Variants in ARAF observed in about 807,000 individuals in gnomAD.
The protein encoded by ARAF is A-Raf proto-oncogene, serine/threonine kinase, also known as serine/threonine-protein kinase A-Raf.
Under a neutral mutation model 48.0 loss-of-function variants are expected in ARAF, and 18 were observed. The ratio of observed to expected loss-of-function variants is 0.37; its 90% CI spans 0.26 to 0.56. The LOEUF is 0.56. ARAF is among the 20% of genes least tolerant of loss of function. The pLI is 0.77. For missense variants in ARAF, 389 were observed against 543.1 expected (o/e 0.72, Z 2.82); for synonymous variants, 207 against 220.1 (o/e 0.94, Z 0.53).
Position 47,571,520 on chromosome X carries a change from G to T in ARAF, c.*63G>T. On this transcript the variant is annotated 3_prime_UTR_variant, in exon 16 of 16. Coordinates refer to ENST00000377045, the MANE Select transcript of ARAF (RefSeq NM_001654.5). ...CCACGCCAAGGAGCCTTGCCCACCA[G>T]CCAATCAATGTTCGTCTCTGCCCTG... is the stretch of plus-strand genomic sequence containing the variant. 2.6e-6 allele frequency: 3 copies of T among 1,146,672 alleles called. No homozygotes were observed. Among genetic ancestry groups the T allele is most frequent in the Non-Finnish European group, 3.5e-6 (3 of 861,669 alleles). 94.5% of individuals were successfully genotyped at this position (1,146,672 alleles called of 1,213,427 possible).
intron 13 of ARAF, 112 bp from the exon 14 acceptor site, chrX:47,569,781 A>G: frequency 1.8e-6 from 2 of 1,116,422 alleles, no homozygotes; most frequent in African/African-American, 1.8e-5. Context: ...CTCATGTCCC[A>G]CCTCGTGTGG....
At position 47,570,220 on chromosome X, in the gene ARAF, TC is replaced by T; in HGVS notation, c.1551+199del. The T allele has an allele frequency of 1.1e-5, 5 of 448,522 alleles. No individual in the cohort carries two copies. The South Asian group carries it at 2.2e-4, about 20-fold the overall frequency. 37.0% of individuals were successfully genotyped at this position (448,522 alleles called of 1,213,427 possible). Reference sequence around the variant, plus strand: ...TCTCTGGGTCTCCCCTACCCCAACTTCCCTCTTCTCACATCCACAGCCCTCT... The same window carrying T: ...TCTCTGGGTCTCCCCTACCCCAACTTCCTCTTCTCACATCCACAGCCCTCT... On this transcript the variant is annotated intron_variant, in intron 14 of 15. Transcript: ENST00000377045.
In ARAF at chrX:47,570,015, C is replaced by T. The variant is rs770499440; in HGVS notation, c.1542C>T (p.Cys514=). 68 of 1,203,293 alleles carry T rather than the reference C, an allele frequency of 5.7e-5. No homozygotes were observed. In the South Asian group the frequency reaches 1.2e-3, roughly 21 times the overall value. ...CACTGCCTTACAGCCACATTGGCTG[C>T]CGTGACCAGGTGAGCCCCACACCTT... ...TGSLPYSHIG[C]RDQIIFMVGR... The change falls in exon 14 of 16, where the codon TGC becomes TGT. Residue 514 remains cysteine, a synonymous_variant. Coordinates refer to ENST00000377045, the MANE Select transcript of ARAF (RefSeq NM_001654.5).
chrX:47,569,908 C>T lies in ARAF; in HGVS notation c.1435C>T (p.Arg479Cys). 8.3e-7 allele frequency: 1 copy of T among 1,207,105 alleles called. No homozygotes were observed. Among genetic ancestry groups the T allele is most frequent in the Non-Finnish European group, 1.1e-6 (1 of 893,592 alleles). The change falls in exon 14 of 16, where the codon CGT becomes TGT. Residue 479 changes from arginine (R) to cysteine (C), a missense_variant. Transcript: ENST00000377045. The stretch of plus-strand genomic sequence containing the variant: ...CCTGTTGTAGGCAGCTGAGGTGATC[C>T]GTATGCAGGACCCGAACCCCTACAG... ...SVLWMAAEVI[R>C]MQDPNPYSFQ...
At position 47,566,295 on chromosome X, in the gene ARAF, C is replaced by G. The variant is rs751559150; in HGVS notation, c.558-344C>G. Among the ~76,000 whole-genome samples the G allele has an allele frequency of 3.6e-5, 4 of 112,278 alleles. No homozygotes were observed. In the East Asian group the frequency reaches 1.1e-3, roughly 31 times the overall value. On this transcript the variant is annotated intron_variant, in intron 6 of 15. Transcript: ENST00000377045. ...ATTGTCATCTCCTCCTCAGAGAAAC[C>G]TTTCCTGACACTTTCTAGGAACACT...
rs1483135103 is a variant in ARAF at position 47,561,242 on chromosome X, G to A, written c.-69G>A. 3 of 112,394 alleles carry A rather than the reference G, an allele frequency of 2.7e-5. No homozygotes were observed. Among genetic ancestry groups the A allele is most frequent in the African/African-American group, 9.7e-5 (3 of 31,021 alleles). The allele number at this position is 112,394 out of a possible 1,213,427, so 9.3% of individuals were successfully genotyped here. A position where few individuals can be genotyped will look rare whatever the true frequency, so the allele number is the denominator to read the frequency against. On this transcript the variant is annotated 5_prime_UTR_variant, in exon 1 of 16. Transcript: ENST00000377045. ...AGATGGAGACGGCGGCGGCTGTAGC[G>A]GCGTGACAGGTGAGGGCGGGCCCGG...
At position 47,569,574 on chromosome X, in the gene ARAF, G is replaced by A. The variant is rs2147908578; in HGVS notation, c.1336G>A (p.Gly446Ser). The change falls in exon 13 of 16, where the codon GGT becomes AGT. Residue 446 changes from glycine to serine, a missense_variant. Gly to Ser is a moderately conservative substitution (Grantham distance 56, BLOSUM62 0). Transcript: ENST00000377045. Reference protein sequence around the residue: ...FLHEGLTVKIGDFGLATVKTR... With the variant: ...FLHEGLTVKISDFGLATVKTR... ...ACATGAGGGGCTCACGGTGAAGATC[G>A]GTGACTTTGGCTTGGCCACAGTGAA... 3.3e-6 allele frequency: 4 copies of A among 1,209,035 alleles called. No homozygotes were observed. Among genetic ancestry groups the A allele is most frequent in the Non-Finnish European group, 4.5e-6 (4 of 894,116 alleles).
At chrX:47,565,788 A>G (rs2057730066) in intron 6 of ARAF, 1 of 138,705 alleles carries the variant, frequency 7.2e-6, no homozygotes, top group African/African-American at 3.2e-5. Context: ...TTGCTTTTTT[A>G]TGTTAAATAT....
intron 1 of ARAF, among the ~76,000 whole-genome samples, chrX:47,562,516 A>C (rs1782443357): frequency 1.8e-5 from 2 of 108,897 alleles, no homozygotes; most frequent in Non-Finnish European, 3.8e-5. Flanking sequence ...AAAAAAAAAA[A>C]AAACCCAGGA....
In ARAF at chrX:47,571,534, G is replaced by T; in HGVS notation, c.*77G>T. ...CTTGCCCACCAGCCAATCAATGTTC[G>T]TCTCTGCCCTGATGCTGCCTCAGGA... On this transcript the variant is annotated 3_prime_UTR_variant, in exon 16 of 16. Transcript: ENST00000377045. 9.0e-7 allele frequency: 1 copy of T among 1,110,763 alleles called. No individual in the cohort carries two copies. The highest frequency in any genetic ancestry group is 1.2e-6 in the Non-Finnish European group (1 of 840,527). 91.5% of individuals were successfully genotyped at this position (1,110,763 alleles called of 1,213,427 possible).
chrX:47,565,714 AATC>A, intron 6 of ARAF: 1 of 121,525 alleles, frequency 8.2e-6, no homozygotes, highest in Non-Finnish European at 1.7e-5. Context: ...ATTCTAGTAT[AATC>A]ATACTCAAGC....
intron 12 of ARAF, 51 bp downstream of exon 12, chrX:47,569,084 A>G (rs373428883): frequency 8.7e-7 from 1 of 1,147,115 alleles, no homozygotes; most frequent in Non-Finnish European, 1.2e-6. Context: ...AAGGGCTTAG[A>G]AGGATGCCTC....
At chrX:47,566,854 T>C in intron 7 of ARAF, 30 bp from the exon 8 acceptor site, 1 of 1,211,641 alleles carries the variant, frequency 8.3e-7, no homozygotes, top group Non-Finnish European at 1.1e-6. Context: ...CTCCATGCCC[T>C]CTTTTTGACT....
chrX:47,571,110 AGT>A (rs34644595), intron 15 of ARAF, 98 bp downstream of exon 15: 158,448 of 697,265 alleles, frequency 0.23, 3,302 homozygotes, highest in East Asian at 0.4. Flanking sequence ...TCAGAGGTAT[AGT>A]GTGTGTGTGT....
intron 15 of ARAF, 26 bp downstream of exon 15, chrX:47,571,038 C>T (rs764348546): frequency 4.2e-6 from 5 of 1,201,802 alleles, no homozygotes; most frequent in Non-Finnish European, 5.6e-6. Context: ...GGCTGGACAC[C>T]TTGGGTGGGT....
rs774454964 is a variant in ARAF, at chrX:47,567,222, G to T, written c.874-8G>T. On this transcript the variant is annotated splice_region_variant and splice_polypyrimidine_tract_variant and intron_variant, in intron 9 of 15. Coordinates refer to ENST00000377045, the MANE Select transcript of ARAF (RefSeq NM_001654.5). ...AGGCCTCTTAGATGCCACCCATCTG[G>T]CCCACAGAAGAACCTGGGGTACCGG... The T allele has an allele frequency of 1.7e-6, 2 of 1,211,700 alleles. No homozygotes were observed. Among genetic ancestry groups the T allele is most frequent in the Non-Finnish European group, 2.2e-6 (2 of 895,407 alleles).
At chrX:47,567,581 C>G (rs1046185363) in intron 10 of ARAF, 149 bp downstream of exon 10, 3 of 621,383 alleles carry the variant, frequency 4.8e-6, no homozygotes, top group East Asian at 7.1e-5. Context: ...GAAGGGTGTC[C>G]CTTTCCCCTC....
chrX:47,571,105 GGTATAGT>G (rs2057754055), intron 15 of ARAF, 93 bp downstream of exon 15: 3 of 1,040,574 alleles, frequency 2.9e-6, no homozygotes, highest in Non-Finnish European at 2.6e-6. Context: ...AAAGCTCAGA[GGTATAGT>G]GTGTGTGTGT....
In ARAF at chrX:47,567,023, G is replaced by T. The variant is rs1175805538; in HGVS notation, c.765G>T (p.Arg255=). ...GAGGAGGTAGTGATGGAACCCCCCG[G>T]GGGAGCCCCAGCCCAGCCAGCGTGT... ...GSRGGSDGTP[R]GSPSPASVSS... is the part of the protein sequence containing the mutation. Residue 255 remains arginine (R), a synonymous_variant, in exon 9 of 16, where the codon CGG becomes CGT. Coordinates refer to ENST00000377045, the MANE Select transcript of ARAF (RefSeq NM_001654.5). 9 of 1,210,052 alleles carry T rather than the reference G, an allele frequency of 7.4e-6. No homozygotes were observed. Among genetic ancestry groups the T allele is most frequent in the Non-Finnish European group, 1.0e-5 (9 of 895,228 alleles).
Sources: gnomAD v4.1 joint callset for allele counts (sites outside exome capture counted in the v4.1 genomes callset) on GRCh38, gnomAD v4.1.1 for gene constraint, MANE v1.5 for transcripts, NCBI Gene and HGNC (gene_info 2026-07-23, HGNC 2026-07-21) for gene names.